Variants in P2RY12 observed in about 807,000 individuals in gnomAD.
The protein encoded by P2RY12 is purinergic receptor P2Y12.
Under a neutral mutation model 4.5 loss-of-function variants are expected in P2RY12, and 3 were observed. That is an observed-to-expected ratio of 0.67 (90% confidence interval 0.31 to 1.74). The LOEUF is 1.74. Ranked by LOEUF, P2RY12 falls within the 40% of genes most tolerant of loss-of-function variation. The pLI is 0.09. For missense variants in P2RY12, 356 were observed against 407.8 expected, an observed-to-expected ratio of 0.87 and a Z score of 1.09; for synonymous variants, 148 against 154.1, an observed-to-expected ratio of 0.96 and a Z score of 0.29.
chr3:151,373,409 A>G (rs1418435066), intron 1 of P2RY12, among the ~76,000 whole-genome samples: 1 of 152,138 alleles, frequency 6.6e-6, no homozygotes, highest in East Asian at 1.9e-4. Context: ...CTGTGTAGTT[A>G]CTAATTTTCC....
rs1201986859 is a variant in P2RY12 at position 151,360,409 on chromosome 3, G to T, written c.-179-19649C>A. 2.8e-5 allele frequency: 40 copies of T among 1,444,610 alleles called. No individual in the cohort carries two copies. The Admixed American group carries it at 6.6e-4, about 24-fold the overall frequency. 89.5% of individuals were successfully genotyped at this position (1,444,610 alleles called of 1,614,324 possible). A position where few individuals can be genotyped will look rare whatever the true frequency, so the allele number is the denominator to read the frequency against. On this transcript the variant is annotated intron_variant, in intron 1 of 2. Transcript: ENST00000302632. ...AGTGATACATATTTTCATTCTAAAA[G>T]AGTCAAATGATAACCCACATAGTAC... is the stretch of plus-strand genomic sequence containing the variant.
chr3:151,337,073 A>G lies in P2RY12; in HGVS notation c.*744T>C, dbSNP rs1751099390. ...ATGATGGTATTATTGAAGTTGTAAA[A>G]AATTAGTAAAACTAGTTTCTCTAGA... On this transcript the variant is annotated 3_prime_UTR_variant, in exon 3 of 3. Coordinates refer to ENST00000302632, the MANE Select transcript of P2RY12 (RefSeq NM_022788.5). The G allele has an allele frequency of 6.6e-6, 1 of 152,118 alleles. No homozygotes were observed. Among genetic ancestry groups the G allele is most frequent in the Non-Finnish European group, 1.5e-5 (1 of 67,992 alleles). 9.4% of individuals were successfully genotyped at this position (152,118 alleles called of 1,614,324 possible). A position where few individuals can be genotyped will look rare whatever the true frequency, so the allele number is the denominator to read the frequency against.
At chr3:151,360,507 C>A in intron 1 of P2RY12, 3 of 1,612,898 alleles carry the variant, frequency 1.9e-6, no homozygotes, top group Non-Finnish European at 2.5e-6. Context: ...TCGTAAACCC[C>A]TCAGAATGTT....
At chr3:151,339,760 A>G (rs1560048578) in intron 2 of P2RY12, among the ~76,000 whole-genome samples, 1 of 147,166 alleles carries the variant, frequency 6.8e-6, no homozygotes, top group Non-Finnish European at 1.5e-5. Context: ...AAAATAAAAT[A>G]TAGGTTATTA....
intron 1 of P2RY12, among the ~76,000 whole-genome samples, chr3:151,373,258 T>A (rs903419386): frequency 5.3e-5 from 8 of 152,186 alleles, no homozygotes; most frequent in African/African-American, 1.7e-4. Flanking sequence ...CTGGCCAAGA[T>A]ACTACAGAAA....
intron 1 of P2RY12, chr3:151,360,421 A>T: frequency 6.5e-7 from 1 of 1,542,974 alleles, no homozygotes; most frequent in Non-Finnish European, 8.8e-7. Context: ...GTCAAATGAT[A>T]ACCCACATAG....
At position 151,338,213 on chromosome 3, in the gene P2RY12, G is replaced by A; in HGVS notation, c.633C>T (p.Leu211=). Residue 211 remains leucine (L), a synonymous_variant, in exon 3 of 3, where the codon CTC becomes CTT. Transcript: ENST00000302632. ...ATGACCGGTACAGTTCTTTTGTAAT[G>A]AGTGTATAACATACAATAACAATTA... The part of the protein sequence containing the change: ...NFLIVIVCYT[L]ITKELYRSYV... 7 of 1,613,992 alleles carry A rather than the reference G, an allele frequency of 4.3e-6. No individual in the cohort carries two copies. The highest frequency in any genetic ancestry group is 5.9e-6 in the Non-Finnish European group (7 of 1,179,916).
intron 1 of P2RY12, among the ~76,000 whole-genome samples, chr3:151,369,160 G>A (rs763980521): frequency 1.1e-4 from 16 of 152,208 alleles, no homozygotes; most frequent in Admixed American, 2.6e-4. Context: ...ATAGGCATGT[G>A]TCTGTGTGAG....
intron 1 of P2RY12, among the ~76,000 whole-genome samples, chr3:151,351,680 TA>T (rs1423648553): frequency 4.6e-5 from 7 of 152,010 alleles, no homozygotes; most frequent in Non-Finnish European, 8.8e-5. Flanking sequence ...GGCAATGGGG[TA>T]GGGGGGAGTC....
intron 1 of P2RY12, among the ~76,000 whole-genome samples, chr3:151,380,872 G>A (rs934343944): frequency 2.0e-5 from 3 of 152,188 alleles, no homozygotes; most frequent in Admixed American, 2.0e-4. Context: ...AGTGAGTCCA[G>A]CTCCTCAAGC....
At chr3:151,372,806 C>T in intron 1 of P2RY12, 1 of 1,541,474 alleles carries the variant, frequency 6.5e-7, no homozygotes, top group Non-Finnish European at 9.0e-7. Context: ...GAGTACGTAA[C>T]TCTTCTTTTG....
At chr3:151,355,607 T>C (rs1753813376) in intron 1 of P2RY12, among the ~76,000 whole-genome samples, 1 of 152,244 alleles carries the variant, frequency 6.6e-6, no homozygotes, top group Admixed American at 6.5e-5. Context: ...TACAAATCCA[T>C]TGATATTCAA....
intron 1 of P2RY12, chr3:151,375,970 C>T (rs866296447): frequency 6.1e-6 from 5 of 813,094 alleles, no homozygotes; most frequent in African/African-American, 3.7e-5. Flanking sequence ...GTACATATTG[C>T]ATATATATAT....
rs113838866 is a variant in P2RY12, at chr3:151,352,615, A to C, written c.-179-11855T>G. ...TAGCATGTATTTGATTTCTGGGAAC[A>C]CATGAAAATAATATTTTGAGGAACC... On this transcript the variant is annotated intron_variant, in intron 1 of 2. Coordinates refer to ENST00000302632, the MANE Select transcript of P2RY12 (RefSeq NM_022788.5). 1.1e-4 allele frequency among the ~76,000 whole-genome samples: 15 copies of C among 138,236 alleles called. 2 individuals carry two copies. Among genetic ancestry groups the C allele is most frequent in the African/African-American group, 4.2e-4 (15 of 35,900 alleles). The allele number at this position is 138,236 out of a possible 152,430, so 90.7% of individuals were successfully genotyped here.
chr3:151,368,140 C>G (rs1466070545), intron 1 of P2RY12: 3 of 1,612,124 alleles, frequency 1.9e-6, no homozygotes, highest in Non-Finnish European at 2.5e-6. Flanking sequence ...TTCCAATCCC[C>G]CTTTCCTAGC....
At chr3:151,373,542 G>C (rs977607230) in intron 1 of P2RY12, among the ~76,000 whole-genome samples, 3 of 149,282 alleles carry the variant, frequency 2.0e-5, no homozygotes, top group East Asian at 4.0e-4. Flanking sequence ...TCTTTACTAT[G>C]ATGGTTGCAA....
chr3:151,350,074 C>A, intron 1 of P2RY12: 1 of 1,610,600 alleles, frequency 6.2e-7, no homozygotes, highest in South Asian at 1.1e-5. Context: ...ATCTTCAAGT[C>A]ATGAATGTAA....
At chr3:151,380,269 G>C in intron 1 of P2RY12, 1 of 1,299,206 alleles carries the variant, frequency 7.7e-7, no homozygotes, top group Non-Finnish European at 1.1e-6. Context: ...TCTTTCTAAC[G>C]GCATTCATTT....
At chr3:151,380,780 A>G (rs762063152) in intron 1 of P2RY12, among the ~76,000 whole-genome samples, 22 of 152,214 alleles carry the variant, frequency 1.4e-4, no homozygotes, top group Non-Finnish European at 2.6e-4. Context: ...TATATTGCAT[A>G]TAACTTTGAA....
Sources: gnomAD v4.1 joint callset for allele counts (sites outside exome capture counted in the v4.1 genomes callset) on GRCh38, gnomAD v4.1.1 for gene constraint, MANE v1.5 for transcripts, NCBI Gene and HGNC (gene_info 2026-07-23, HGNC 2026-07-21) for gene names.